The following GRM3 variants were observed in gnomAD, a reference collection of about 807,000 sequenced individuals.
GRM3 encodes glutamate metabotropic receptor 3, also known as metabotropic glutamate receptor 3.
Under a neutral mutation model 70.5 loss-of-function variants are expected in GRM3, and 26 were observed. That is an observed-to-expected ratio of 0.37 (90% CI 0.27 to 0.51). The LOEUF is 0.51. Among genes scored for constraint, GRM3 ranks in the 20% least tolerant of loss-of-function variants. GRM3 has a pLI of 0.93. For missense variants in GRM3, 859 were observed against 1,123.8 expected, an observed-to-expected ratio of 0.76 and a Z score of 3.37; for synonymous variants, 443 against 434.9, an observed-to-expected ratio of 1.02 and a Z score of -0.23.
chr7:86,782,764 C>T (rs554952450), intron 2 of GRM3, among the ~76,000 whole-genome samples: 20 of 152,300 alleles, frequency 1.3e-4, no homozygotes, highest in African/African-American at 4.8e-4. Context: ...TTTTCATCTT[C>T]TCTTTCTTGT....
chr7:86,859,100 G>T (rs757348876), intron 5 of GRM3, among the ~76,000 whole-genome samples: 15 of 152,096 alleles, frequency 9.9e-5, no homozygotes, highest in Non-Finnish European at 2.1e-4. Flanking sequence ...TGCGACCTCA[G>T]CACTTGAGGC....
At chr7:86,705,263 T>C (rs1345997635) in intron 1 of GRM3, among the ~76,000 whole-genome samples, 1 of 151,994 alleles carries the variant, frequency 6.6e-6, no homozygotes, top group Non-Finnish European at 1.5e-5. Context: ...ATGTCATTTA[T>C]TTTTCAATCT....
chr7:86,784,642 C>A (rs1316894431), intron 2 of GRM3: 1 of 152,178 alleles, frequency 6.6e-6, no homozygotes, highest in South Asian at 2.1e-4. Flanking sequence ...GCCATTTTGT[C>A]CAGAGTCTCC....
At chr7:86,671,307 C>A (rs1419618937) in intron 1 of GRM3, among the ~76,000 whole-genome samples, 1 of 152,216 alleles carries the variant, frequency 6.6e-6, no homozygotes, top group Non-Finnish European at 1.5e-5. Context: ...ATTATGTAAT[C>A]TCCATGTATG....
At chr7:86,722,114 A>G (rs1238872804) in intron 1 of GRM3, among the ~76,000 whole-genome samples, 1 of 152,096 alleles carries the variant, frequency 6.6e-6, no homozygotes, top group African/African-American at 2.4e-5. Context: ...GACCCCAGAG[A>G]GGCTTCTGAA....
chr7:86,765,137 A>G lies in GRM3; in HGVS notation c.-9A>G. On this transcript the variant is annotated 5_prime_UTR_variant, in exon 2 of 6. Transcript: ENST00000361669. ...ATTGATATCTCCCAGAGGTACAGAA[A>G]CAGGATTCATGAAGATGTTGACAAG... 6.4e-7 allele frequency: 1 copy of G among 1,557,838 alleles called. No individual in the cohort carries two copies. Among genetic ancestry groups the G allele is most frequent in the South Asian group, 1.3e-5 (1 of 79,900 alleles).
At chr7:86,655,309 A>T (rs1793708239) in intron 1 of GRM3, among the ~76,000 whole-genome samples, 1 of 152,198 alleles carries the variant, frequency 6.6e-6, no homozygotes, top group South Asian at 2.1e-4. Flanking sequence ...TATCTGTTTT[A>T]CCAAAGAAAT....
In GRM3 at chr7:86,822,878, C is replaced by T. The variant is rs754918854; in HGVS notation, c.1325-15961C>T. 4.6e-5 allele frequency among the ~76,000 whole-genome samples: 7 copies of T among 152,270 alleles called. No homozygotes were observed. In the South Asian group the frequency reaches 1.0e-3, roughly 23 times the overall value. On this transcript the variant is annotated intron_variant, in intron 3 of 5. Coordinates refer to ENST00000361669, the MANE Select transcript of GRM3 (RefSeq NM_000840.3). The stretch of plus-strand genomic sequence containing the variant: ...CTAAGAACTAACCCCTATTCAGTAA[C>T]GAAGTTACTGTTTAGCTTTGTTAAT...
chr7:86,806,669 C>T (rs1440547009), intron 3 of GRM3, among the ~76,000 whole-genome samples: 2 of 152,094 alleles, frequency 1.3e-5, no homozygotes, highest in African/African-American at 2.4e-5. Context: ...GGGTAGATTG[C>T]AAAAATTTTC....
intron 3 of GRM3, among the ~76,000 whole-genome samples, chr7:86,797,991 G>A (rs1432476455): frequency 2.6e-5 from 4 of 152,192 alleles, no homozygotes; most frequent in Non-Finnish European, 5.9e-5. Context: ...TGTTGGGCCT[G>A]CATGTGCACA....
At chr7:86,798,629 T>G (rs1276494869) in intron 3 of GRM3, among the ~76,000 whole-genome samples, 1 of 152,210 alleles carries the variant, frequency 6.6e-6, no homozygotes, top group Admixed American at 6.5e-5. Context: ...ACTTTGACTG[T>G]GGACTTTTGA....
chr7:86,661,393 C>T (rs1793890335), intron 1 of GRM3, among the ~76,000 whole-genome samples: 1 of 151,946 alleles, frequency 6.6e-6, no homozygotes, highest in Non-Finnish European at 1.5e-5. Context: ...TTTTACTAAG[C>T]ACTTTTTGTT....
intron 3 of GRM3, among the ~76,000 whole-genome samples, chr7:86,813,974 T>C (rs765392353): frequency 1.3e-5 from 2 of 151,792 alleles, no homozygotes; most frequent in Non-Finnish European, 2.9e-5. Context: ...GCTAGCTTCC[T>C]ACCTGGAGCT....
chr7:86,855,843 C>T (rs1440384262), intron 5 of GRM3, among the ~76,000 whole-genome samples: 1 of 152,120 alleles, frequency 6.6e-6, no homozygotes, highest in East Asian at 1.9e-4. Flanking sequence ...AAGCATAACA[C>T]GTAATGCCCA....
intron 1 of GRM3, among the ~76,000 whole-genome samples, chr7:86,757,672 C>A (rs1796380587): frequency 6.6e-6 from 1 of 152,142 alleles, no homozygotes; most frequent in South Asian, 2.1e-4. Flanking sequence ...ATTAAATAAT[C>A]CCTGCCTCCT....
chr7:86,761,066 G>C (rs1796467836), intron 1 of GRM3, among the ~76,000 whole-genome samples: 1 of 152,112 alleles, frequency 6.6e-6, no homozygotes, highest in South Asian at 2.1e-4. Context: ...TAAAAACAGA[G>C]ATGCATACTT....
intron 3 of GRM3, among the ~76,000 whole-genome samples, chr7:86,820,611 T>C (rs1004244913): frequency 3.9e-5 from 6 of 152,140 alleles, no homozygotes; most frequent in African/African-American, 1.4e-4. Flanking sequence ...GTATTATATC[T>C]TTATAAAAAT....
Position 86,850,501 on chromosome 7 carries a change from C to G in GRM3, c.2523C>G (p.Leu841=), listed in dbSNP as rs750718535. The G allele has an allele frequency of 1.2e-6, 2 of 1,610,340 alleles. No individual in the cohort carries two copies. The highest frequency in any genetic ancestry group is 2.7e-5 in the African/African-American group (2 of 74,784). ...ATGTTGTCACACACAGACTGCACCT[C>G]AACAGGTTCAGTGTCAGTGGAACTG... ...QKNVVTHRLH[L]NRFSVSGTGT... is the part of the protein sequence containing the mutation. The change falls in exon 5 of 6, where the codon CTC becomes CTG. Residue 841 remains leucine, a synonymous_variant. Coordinates refer to ENST00000361669, the MANE Select transcript of GRM3 (RefSeq NM_000840.3).
intron 1 of GRM3, among the ~76,000 whole-genome samples, chr7:86,707,416 G>A (rs802473): frequency 0.025 from 3,774 of 152,064 alleles, 164 homozygotes; most frequent in African/African-American, 0.086. Flanking sequence ...GAGGGCTTCC[G>A]TGACAGAGAG....
Sources: gnomAD v4.1 joint callset for allele counts (sites outside exome capture counted in the v4.1 genomes callset) on GRCh38, gnomAD v4.1.1 for gene constraint, MANE v1.5 for transcripts, NCBI Gene and HGNC (gene_info 2026-07-23, HGNC 2026-07-21) for gene names.